The following PTK2 variants were observed in gnomAD, a reference collection of about 807,000 sequenced individuals.
The protein encoded by PTK2 is focal adhesion kinase 1.
Under a neutral mutation model 150.1 loss-of-function variants are expected in PTK2, and 45 were observed. The observed-to-expected ratio is 0.30, with a 90% confidence interval of 0.24 to 0.38. The LOEUF (loss-of-function observed/expected upper bound fraction) is 0.38, where lower values mean the gene tolerates loss of function less well. Ranked by LOEUF, PTK2 falls within the 10% of genes least tolerant of loss-of-function variation. The pLI, the probability that PTK2 is intolerant of heterozygous loss-of-function variation, is 1.00. For missense variants in PTK2, 919 were observed against 1,307.3 expected, an observed-to-expected ratio of 0.70 and a Z score of 4.58; for synonymous variants, 432 against 449.2, an observed-to-expected ratio of 0.96 and a Z score of 0.48.
intron 29 of PTK2, among the ~76,000 whole-genome samples, chr8:140,673,146 C>T (rs1190848086): frequency 2.0e-5 from 3 of 150,960 alleles, no homozygotes; most frequent in East Asian, 3.9e-4. Flanking sequence ...CTTGCTCTGT[C>T]GCCCAGGCTG....
intron 27 of PTK2, among the ~76,000 whole-genome samples, chr8:140,686,362 T>G (rs1436323939): frequency 6.6e-6 from 1 of 152,018 alleles, no homozygotes; most frequent in Admixed American, 6.6e-5. Context: ...TGCGATTTCC[T>G]TATATAACAC....
intron 5 of PTK2, among the ~76,000 whole-genome samples, chr8:140,862,620 C>A (rs1006180921): frequency 6.6e-6 from 1 of 152,186 alleles, no homozygotes; most frequent in African/African-American, 2.4e-5. Context: ...CTATTAGGAA[C>A]CAGGCCACAC....
chr8:140,739,823 G>C (rs1442989074), intron 20 of PTK2, among the ~76,000 whole-genome samples: 1 of 152,074 alleles, frequency 6.6e-6, no homozygotes, highest in Non-Finnish European at 1.5e-5. Flanking sequence ...CTCTGGCTGC[G>C]ACAGGAGGGA....
At chr8:140,794,039 A>G (rs906094036) in intron 12 of PTK2, among the ~76,000 whole-genome samples, 6 of 152,210 alleles carry the variant, frequency 3.9e-5, no homozygotes, top group African/African-American at 1.4e-4. Flanking sequence ...TCTTTCCCTC[A>G]GCCTTCATTT....
intron 4 of PTK2, among the ~76,000 whole-genome samples, chr8:140,867,274 G>C (rs982793121): frequency 6.6e-6 from 1 of 152,154 alleles, no homozygotes; most frequent in South Asian, 2.1e-4. Flanking sequence ...GAGACTAGGA[G>C]GAGACAGCAA....
At chr8:140,922,996 A>G (rs1305259076) in intron 2 of PTK2, among the ~76,000 whole-genome samples, 2 of 152,202 alleles carry the variant, frequency 1.3e-5, no homozygotes, top group African/African-American at 4.8e-5. Flanking sequence ...ATGAGAGGAC[A>G]AACAAGAAAA....
chr8:140,893,504 C>A (rs2100154913), intron 2 of PTK2, among the ~76,000 whole-genome samples: 1 of 152,114 alleles, frequency 6.6e-6, no homozygotes, highest in Non-Finnish European at 1.5e-5. Context: ...CATGGAGGAA[C>A]CTTGAGAACA....
chr8:140,859,615 G>T (rs1390550328), intron 5 of PTK2, among the ~76,000 whole-genome samples: 2 of 152,154 alleles, frequency 1.3e-5, no homozygotes, highest in East Asian at 3.8e-4. Context: ...CCATTATAAA[G>T]TGACTAATTT....
intron 7 of PTK2, among the ~76,000 whole-genome samples, chr8:140,843,227 C>A (rs1455247212): frequency 4.6e-5 from 7 of 152,164 alleles, no homozygotes; most frequent in Admixed American, 4.6e-4. Flanking sequence ...TCCAAACATA[C>A]CATTCACTAA....
chr8:140,686,273 G>T (rs758547518), intron 27 of PTK2, among the ~76,000 whole-genome samples: 6 of 152,108 alleles, frequency 3.9e-5, no homozygotes, highest in Non-Finnish European at 8.8e-5. Flanking sequence ...AGAGGAGGGT[G>T]AGGATCAAAA....
chr8:140,681,163 AAGACG>A (rs927108262), intron 27 of PTK2, among the ~76,000 whole-genome samples: 29 of 150,372 alleles, frequency 1.9e-4, no homozygotes, highest in Non-Finnish European at 4.0e-4. Flanking sequence ...TCAGGAGTTC[AAGACG>A]AGCCTGGCCA....
chr8:140,808,581 C>T (rs531101054), intron 10 of PTK2, among the ~76,000 whole-genome samples: 1 of 151,458 alleles, frequency 6.6e-6, no homozygotes, highest in East Asian at 1.9e-4. Context: ...AATCATATTA[C>T]CTGCTCATAA....
intron 3 of PTK2, among the ~76,000 whole-genome samples, chr8:140,886,113 G>A (rs1488851034): frequency 1.3e-5 from 2 of 152,164 alleles, no homozygotes; most frequent in Non-Finnish European, 2.9e-5. Context: ...AGATAATGTG[G>A]ACAGGATTAG....
intron 1 of PTK2, among the ~76,000 whole-genome samples, chr8:140,931,881 CA>C (rs1355434132): frequency 1.6e-4 from 21 of 134,554 alleles, no homozygotes; most frequent in Non-Finnish European, 2.6e-4. Flanking sequence ...TATAATGAGC[CA>C]TGATTGGGCC....
chr8:140,901,553 A>G (rs1455734936), intron 2 of PTK2, among the ~76,000 whole-genome samples: 3 of 152,190 alleles, frequency 2.0e-5, no homozygotes, highest in African/African-American at 7.2e-5. Context: ...CAGAATCTAT[A>G]AAGAGCTTAG....
At chr8:140,844,198 C>G (rs939622076) in intron 7 of PTK2, among the ~76,000 whole-genome samples, 2 of 152,178 alleles carry the variant, frequency 1.3e-5, no homozygotes, top group South Asian at 4.1e-4. Flanking sequence ...ATCAACATGA[C>G]TGATCACTGG....
chr8:140,814,017 T>C (rs1378791263), intron 10 of PTK2, among the ~76,000 whole-genome samples: 2 of 152,184 alleles, frequency 1.3e-5, no homozygotes, highest in African/African-American at 4.8e-5. Context: ...CAGAGAATCT[T>C]AGGAACACCT....
At chr8:140,904,275 T>C (rs1474406084) in intron 2 of PTK2, among the ~76,000 whole-genome samples, 1 of 152,160 alleles carries the variant, frequency 6.6e-6, no homozygotes, top group Non-Finnish European at 1.5e-5. Context: ...TTGTCATTGG[T>C]TCTGTTTATG....
At chr8:140,669,618 C>T (rs1014113089) in intron 29 of PTK2, 109 bp downstream of exon 33, 7 of 1,294,156 alleles carry the variant, frequency 5.4e-6, no homozygotes, top group Middle Eastern at 1.8e-4. Context: ...CAAAGCAGGC[C>T]GAAGTGCCCT....
Sources: gnomAD v4.1 joint callset for allele counts (sites outside exome capture counted in the v4.1 genomes callset) on GRCh38, gnomAD v4.1.1 for gene constraint, MANE v1.5 for transcripts, NCBI Gene and HGNC (gene_info 2026-07-23, HGNC 2026-07-21) for gene names.